TRAK1: variants seen among roughly 807,000 people sequenced by gnomAD.
The protein encoded by TRAK1 is trafficking kinesin protein 1.
Under a neutral mutation model 92.1 loss-of-function variants are expected in TRAK1, and 33 were observed. The ratio of observed to expected loss-of-function variants is 0.36; its 90% confidence interval spans 0.27 to 0.48. The LOEUF (loss-of-function observed/expected upper bound fraction) is 0.48, where lower values mean the gene tolerates loss of function less well. Ranked by LOEUF, TRAK1 falls within the 20% of genes least tolerant of loss-of-function variation. The probability of loss-of-function intolerance (pLI) is 0.99; values close to 1 mark genes in which losing one functional copy is unlikely to be tolerated. For missense variants in TRAK1, 1,123 were observed against 1,257.9 expected (o/e 0.89, Z 1.62); for synonymous variants, 521 against 517.3 (o/e 1.01, Z -0.10).
chr3:42,188,903 C>T (rs3816396), intron 5 of TRAK1, 113 bp from the exon 6 acceptor site: 193,171 of 711,696 alleles, frequency 0.27, 29,081 homozygotes, highest in East Asian at 0.35. Context: ...TTGGGAGAGC[C>T]GTCTGGTGGG....
intron 2 of TRAK1, 96 bp from the exon 3 acceptor site, chr3:42,176,718 G>A (rs1479036271): frequency 9.2e-7 from 1 of 1,083,114 alleles, no homozygotes; most frequent in East Asian, 2.4e-5. Context: ...TGTGTCTAAT[G>A]TGCAGGCACA....
At chr3:42,218,072 C>G in intron 14 of TRAK1, 1 of 985,302 alleles carries the variant, frequency 1.0e-6, no homozygotes, top group Non-Finnish European at 1.2e-6. Context: ...CACACAGACC[C>G]GAGTCAGACC....
rs544527801 is a variant in TRAK1, at chr3:42,160,314, A to G, written c.287-16500A>G. 5 of 1,607,582 alleles carry G rather than the reference A, an allele frequency of 3.1e-6. No homozygotes were observed. In the South Asian group the frequency reaches 4.4e-5, roughly 14 times the overall value. ...TGGGTAGGGGGTCGGGGGCACCCCC[A>G]AGGATGGTCCCTTAGGGTGATGTTT... On this transcript the variant is annotated intron_variant, in intron 2 of 15. Transcript: ENST00000327628.
chr3:42,182,965 A>C (rs775422122), intron 3 of TRAK1, among the ~76,000 whole-genome samples: 1 of 152,172 alleles, frequency 6.6e-6, no homozygotes, highest in African/African-American at 2.4e-5. Context: ...GAGGGAACCT[A>C]TGTTCAAGTA....
chr3:42,094,824 G>T (rs933551496), intron 1 of TRAK1, among the ~76,000 whole-genome samples: 2 of 152,224 alleles, frequency 1.3e-5, no homozygotes, highest in African/African-American at 2.4e-5. Context: ...ACAAGTCCAA[G>T]ATGTGCAGTT....
intron 2 of TRAK1, among the ~76,000 whole-genome samples, chr3:42,176,558 GC>G (rs1703236864): frequency 6.6e-6 from 1 of 152,250 alleles, no homozygotes; most frequent in African/African-American, 2.4e-5. Flanking sequence ...CTCAGCACAT[GC>G]TCATACACAC....
chr3:42,078,264 C>G (rs1340153299), intron 1 of TRAK1, among the ~76,000 whole-genome samples: 2 of 152,172 alleles, frequency 1.3e-5, no homozygotes, highest in East Asian at 3.9e-4. Context: ...AACTCATCCC[C>G]TCAAGATTTC....
rs143641347 is a variant in TRAK1 at position 42,135,160 on chromosome 3, C to T, written c.286+9546C>T. On this transcript the variant is annotated intron_variant, in intron 2 of 15. Coordinates refer to ENST00000327628, the MANE Select transcript of TRAK1 (RefSeq NM_001042646.3). ...AGGTAGTGTTTGTAACTTCAGAACCCGCCCTTACCTTACCTACCTACCATG... is the reference window on the plus strand; with the variant it reads ...AGGTAGTGTTTGTAACTTCAGAACCTGCCCTTACCTTACCTACCTACCATG... Among the ~76,000 whole-genome samples the T allele has an allele frequency of 1.4e-4, 22 of 152,270 alleles. No homozygotes were observed. The East Asian group carries it at 3.5e-3, about 24-fold the overall frequency.
intron 1 of TRAK1, among the ~76,000 whole-genome samples, chr3:42,120,106 G>C (rs548988034): frequency 8.1e-4 from 123 of 152,240 alleles, no homozygotes; most frequent in Non-Finnish European, 1.5e-3. Context: ...GCCACAATGT[G>C]GCCGGCCACC....
At position 42,202,864 on chromosome 3, in the gene TRAK1, G is replaced by T; in HGVS notation, c.1744+112G>T. On this transcript the variant is annotated intron_variant, in intron 13 of 15. Coordinates refer to ENST00000327628, the MANE Select transcript of TRAK1 (RefSeq NM_001042646.3). This position sits in a 1 kb window ranked among gnomAD's most constrained non-coding sequence, Gnocchi z 6.1. Reference sequence around the variant, plus strand: ...TGTCACGCCTACTCCTTTTTCTTCCGCGACAGCCACCCGCGCTGCTGGTTT... The same window carrying T: ...TGTCACGCCTACTCCTTTTTCTTCCTCGACAGCCACCCGCGCTGCTGGTTT... 6 of 1,496,620 alleles carry T rather than the reference G, an allele frequency of 4.0e-6. No homozygotes were observed. Among genetic ancestry groups the T allele is most frequent in the Non-Finnish European group, 5.4e-6 (6 of 1,120,852 alleles). The allele number at this position is 1,496,620 out of a possible 1,614,324, so 92.7% of individuals were successfully genotyped here.
At chr3:42,098,143 C>G (rs1370757839) in intron 1 of TRAK1, among the ~76,000 whole-genome samples, 1 of 151,990 alleles carries the variant, frequency 6.6e-6, no homozygotes, top group Non-Finnish European at 1.5e-5. Context: ...CTCCTTTCTT[C>G]TCTTCCTCCA....
At chr3:42,082,375 G>C (rs1221151562), upstream of TRAK1, among the ~76,000 whole-genome samples, 2 of 152,098 alleles carry the variant, frequency 1.3e-5, no homozygotes, top group Admixed American at 6.6e-5. Context: ...GAGGTGGGTG[G>C]ATCACTTGAG....
At chr3:42,222,903 G>A (rs754664417) in intron 15 of TRAK1, 39 bp from the exon 16 acceptor site, 1 of 1,585,178 alleles carries the variant, frequency 6.3e-7, no homozygotes, top group South Asian at 1.2e-5. Context: ...TGGAGCTCAT[G>A]GGCATTTCTG....
At chr3:42,095,724 A>G (rs13322319) in intron 1 of TRAK1, among the ~76,000 whole-genome samples, 12 of 70,498 alleles carry the variant, frequency 1.7e-4, no homozygotes, top group East Asian at 3.6e-4. Flanking sequence ...CATCGTCATC[A>G]TCATCATCAT....
chr3:42,176,142 C>T (rs928546100), intron 2 of TRAK1, among the ~76,000 whole-genome samples: 1 of 152,038 alleles, frequency 6.6e-6, no homozygotes, highest in Non-Finnish European at 1.5e-5. Context: ...TGTGTGCAGC[C>T]TTGTATGACC....
At chr3:42,162,272 A>T (rs1701353560) in intron 2 of TRAK1, among the ~76,000 whole-genome samples, 1 of 151,816 alleles carries the variant, frequency 6.6e-6, no homozygotes, top group Non-Finnish European at 1.5e-5. Context: ...GTATATAAAT[A>T]TGTGCTGATA....
At chr3:42,092,634 A>G (rs1705220556) in intron 1 of TRAK1, among the ~76,000 whole-genome samples, 1 of 151,518 alleles carries the variant, frequency 6.6e-6, no homozygotes, top group South Asian at 2.1e-4. Flanking sequence ...CCTGCCTGGG[A>G]GGACTCTTCA....
At chr3:42,044,400 G>C (rs1208899248) in intron 1 of TRAK1, among the ~76,000 whole-genome samples, 1 of 152,238 alleles carries the variant, frequency 6.6e-6, no homozygotes, top group Non-Finnish European at 1.5e-5. Context: ...GAGCTCAAGA[G>C]ATCCACTTGC....
At chr3:42,208,116 A>G (rs1271476298) in intron 13 of TRAK1, among the ~76,000 whole-genome samples, 1 of 152,192 alleles carries the variant, frequency 6.6e-6, no homozygotes, top group African/African-American at 2.4e-5. Flanking sequence ...GCACCTAGTG[A>G]GAGAACGGAT....
Sources: allele counts gnomAD v4.1 joint callset (sites outside exome capture counted in the v4.1 genomes callset), GRCh38; gene constraint gnomAD v4.1.1; non-coding constraint Gnocchi (gnomAD v3.1); transcripts MANE v1.5; gene names NCBI Gene and HGNC (gene_info 2026-07-23, HGNC 2026-07-21).